Variants in CILK1 observed in about 807,000 individuals in gnomAD.
The protein encoded by CILK1 is serine/threonine-protein kinase ICK.
In CILK1, 47 loss-of-function variants were observed where a neutral mutation model predicts 79.2. The observed-to-expected ratio is 0.59, with a 90% CI of 0.47 to 0.76. The LOEUF (loss-of-function observed/expected upper bound fraction) is 0.76. Among genes scored for constraint, CILK1 ranks in the 30% least tolerant of loss-of-function variants. CILK1 has a pLI of 0.00. For missense variants in CILK1, 660 were observed against 769.5 expected, an observed-to-expected ratio of 0.86 and a Z score of 1.68; for synonymous variants, 266 against 275.9, an observed-to-expected ratio of 0.96 and a Z score of 0.36.
intron 7 of CILK1, 66 bp downstream of exon 7, chr6:53,018,264 G>A: frequency 6.7e-7 from 1 of 1,484,004 alleles, no homozygotes; most frequent in Non-Finnish European, 9.4e-7. Context: ...TGCTGAACAG[G>A]GCTGAGCGGA....
intron 1 of CILK1, among the ~76,000 whole-genome samples, chr6:53,049,112 C>G (rs948713389): frequency 3.9e-5 from 6 of 152,202 alleles, no homozygotes; most frequent in African/African-American, 1.2e-4. Flanking sequence ...TGAGCTGCTG[C>G]TTGAACCCTG....
intron 11 of CILK1, among the ~76,000 whole-genome samples, chr6:53,010,328 G>A (rs574072472): frequency 1.3e-5 from 2 of 152,226 alleles, no homozygotes; most frequent in Non-Finnish European, 2.9e-5. Flanking sequence ...CATGCATCAA[G>A]AGGGCCTGCC....
chr6:53,049,322 T>C (rs1767319567), intron 1 of CILK1, among the ~76,000 whole-genome samples: 1 of 152,230 alleles, frequency 6.6e-6, no homozygotes, highest in South Asian at 2.1e-4. Context: ...TAGACCTTTA[T>C]GGTTAGCATA....
intron 1 of CILK1, among the ~76,000 whole-genome samples, chr6:53,047,626 T>G (rs1052193587): frequency 1.3e-5 from 2 of 151,858 alleles, no homozygotes; most frequent in African/African-American, 4.8e-5. Context: ...AGTTTGATTT[T>G]TATCCTACAG....
chr6:53,005,389 T>A, intron 13 of CILK1, 86 bp from the exon 14 acceptor site: 1 of 1,442,852 alleles, frequency 6.9e-7, no homozygotes, highest in South Asian at 1.2e-5. Flanking sequence ...GACAAAAACA[T>A]GAGAAAATAA....
chr6:53,052,248 C>T (rs368197121), intron 1 of CILK1, among the ~76,000 whole-genome samples: 6 of 152,260 alleles, frequency 3.9e-5, no homozygotes, highest in African/African-American at 7.2e-5. Flanking sequence ...CATTTTATAG[C>T]GGCAAAGTAT....
At chr6:53,057,145 T>C (rs1179793814) in intron 1 of CILK1, among the ~76,000 whole-genome samples, 1 of 152,248 alleles carries the variant, frequency 6.6e-6, no homozygotes, top group Non-Finnish European at 1.5e-5. Context: ...TTTCATGATA[T>C]TGCCAAATAC....
chr6:53,055,896 A>T (rs188700241), intron 1 of CILK1, among the ~76,000 whole-genome samples: 42 of 152,332 alleles, frequency 2.8e-4, no homozygotes, highest in African/African-American at 1.0e-3. Flanking sequence ...AGCCAGAAAA[A>T]CAAACCTTTA....
At chr6:53,043,319 A>AATAT (rs1285338497) in intron 1 of CILK1, among the ~76,000 whole-genome samples, 1 of 150,164 alleles carries the variant, frequency 6.7e-6, no homozygotes, top group African/African-American at 2.4e-5. Flanking sequence ...TGGTCTCAAA[A>AATAT]ATATATATAT....
rs1764121189 is a variant in CILK1, at chr6:53,004,783, A to C, written c.*366T>G. The C allele has an allele frequency of 4.6e-6, 1 of 216,074 alleles. No individual in the cohort carries two copies. The highest frequency in any genetic ancestry group is 2.4e-5 in the African/African-American group (1 of 42,518). The allele number at this position is 216,074 out of a possible 1,614,324, so 13.4% of individuals were successfully genotyped here. On this transcript the variant is annotated 3_prime_UTR_variant, in exon 14 of 14. Transcript: ENST00000676107. ...GCATTAATATTATTACATTTTTCAA[A>C]ATCTGTAGAAAATATTATCTGGAAC...
At chr6:53,011,297 A>G (rs2127406987) in intron 11 of CILK1, among the ~76,000 whole-genome samples, 1 of 152,224 alleles carries the variant, frequency 6.6e-6, no homozygotes, top group Admixed American at 6.5e-5. Flanking sequence ...ACTATAAAAG[A>G]TAAAAATGTG....
At chr6:53,027,918 C>T (rs568720440) in intron 5 of CILK1, among the ~76,000 whole-genome samples, 3 of 152,084 alleles carry the variant, frequency 2.0e-5, no homozygotes, top group South Asian at 4.1e-4. Context: ...GAGGCCGAGG[C>T]GGGTGGATCA....
At chr6:53,060,690 A>T (rs1431953477) in intron 1 of CILK1, among the ~76,000 whole-genome samples, 2 of 152,236 alleles carry the variant, frequency 1.3e-5, no homozygotes, top group Non-Finnish European at 2.9e-5. Flanking sequence ...AACTCCCAGC[A>T]CAGTTCAGCA....
In CILK1 at chr6:53,013,833, G is replaced by A. The variant is rs1203851051; in HGVS notation, c.981C>T (p.Ala327=). The part of the protein sequence containing the change: ...IKPVPPAQPP[A]KPHTRISSRQ... ...GTGAAGAAATTCGTGTGTGTGGCTT[G>A]GCTGGTGGCTGGGCAGGTGGGACTG... The change falls in exon 9 of 14, where the codon GCC becomes GCT. Residue 327 remains alanine, a synonymous_variant. Coordinates refer to ENST00000676107, the MANE Select transcript of CILK1 (RefSeq NM_014920.5). 6.2e-7 allele frequency: 1 copy of A among 1,613,742 alleles called. No homozygotes were observed. Among genetic ancestry groups the A allele is most frequent in the African/African-American group, 1.3e-5 (1 of 74,880 alleles).
At chr6:53,014,222 C>A (rs1764762294) in intron 8 of CILK1, among the ~76,000 whole-genome samples, 1 of 152,172 alleles carries the variant, frequency 6.6e-6, no homozygotes, top group Non-Finnish European at 1.5e-5. Flanking sequence ...TGCTGTTACC[C>A]TGGCTACTTC....
intron 8 of CILK1, 126 bp from the exon 9 acceptor site, chr6:53,014,108 C>T: frequency 1.3e-6 from 1 of 775,750 alleles, no homozygotes; most frequent in South Asian, 1.5e-5. Context: ...GAAAACAGTA[C>T]CTTGAATTTT....
chr6:53,044,349 G>A (rs1331792134), intron 1 of CILK1, among the ~76,000 whole-genome samples: 2 of 152,208 alleles, frequency 1.3e-5, no homozygotes, highest in Non-Finnish European at 2.9e-5. Context: ...GGAGACTAAT[G>A]CCTGATGATC....
In CILK1 at chr6:53,012,214, C is replaced by A. The variant is rs778841605; in HGVS notation, c.1166G>T (p.Gly389Val). 38 of 1,613,992 alleles carry A rather than the reference C, an allele frequency of 2.4e-5. 1 individual carries two copies. In the South Asian group the frequency reaches 3.8e-4, roughly 16 times the overall value. ...TATCTCACCATTTTTGTGCTCCAGG[C>A]CAGCTGTGATTTTCTGTGTAAACAA... ...NKHPQSKITA[G>V]LEHKNGEIKP... Residue 389 changes from glycine (G) to valine (V), a missense_variant, in exon 10 of 14, where the codon GGC becomes GTC. Transcript: ENST00000676107.
intron 5 of CILK1, among the ~76,000 whole-genome samples, chr6:53,025,603 C>G (rs1765520916): frequency 6.6e-6 from 1 of 152,192 alleles, no homozygotes; most frequent in African/African-American, 2.4e-5. Context: ...CTTTAAGCAG[C>G]TTCTCTTTTT....
Sources: allele counts gnomAD v4.1 joint callset (sites outside exome capture counted in the v4.1 genomes callset), GRCh38; gene constraint gnomAD v4.1.1; transcripts MANE v1.5; gene names NCBI Gene and HGNC (gene_info 2026-07-23, HGNC 2026-07-21).